Variants in GBF1 observed in about 807,000 individuals in gnomAD.
GBF1 encodes Golgi-specific brefeldin A-resistance guanine nucleotide exchange factor 1.
In GBF1, 114 loss-of-function variants were observed where a neutral mutation model predicts 210.5. The ratio of observed to expected loss-of-function variants is 0.54; its 90% CI spans 0.47 to 0.63. GBF1 has a LOEUF of 0.63. Ranked by LOEUF, GBF1 falls within the 30% of genes least tolerant of loss-of-function variation. The pLI, the probability that GBF1 is intolerant of heterozygous loss-of-function variation, is 0.00. For synonymous variants in GBF1, 850 were observed against 889.2 expected (o/e 0.96, Z 0.78); for missense variants, 1,851 against 2,357.7 (o/e 0.79, Z 4.45).
upstream of GBF1, among the ~76,000 whole-genome samples, chr10:102,240,951 C>T (rs2133818139): frequency 6.6e-6 from 1 of 152,326 alleles, no homozygotes; most frequent in African/African-American, 2.4e-5. Flanking sequence ...GGGGCCGCCC[C>T]GCCAGCTCCC....
At chr10:102,269,979 C>T (rs554653882) in intron 3 of GBF1, among the ~76,000 whole-genome samples, 2 of 151,734 alleles carry the variant, frequency 1.3e-5, no homozygotes, top group Admixed American at 1.3e-4. Flanking sequence ...TCCGGGTTCA[C>T]GCCATTCTCC....
intron 3 of GBF1, among the ~76,000 whole-genome samples, chr10:102,323,033 A>G (rs2056560430): frequency 6.6e-6 from 1 of 152,076 alleles, no homozygotes. Context: ...TTGTATCACA[A>G]TTTTGTGGGT....
At position 102,368,437 on chromosome 10, in the gene GBF1, A is replaced by G; in HGVS notation, c.2862A>G (p.Lys954=). 1 of 1,605,774 alleles carries G rather than the reference A, an allele frequency of 6.2e-7. No individual in the cohort carries two copies. Among genetic ancestry groups the G allele is most frequent in the Non-Finnish European group, 8.5e-7 (1 of 1,172,514 alleles). ...DKSLEETIIQ[K]AISGFRKCAM... ...GCCTTGAGGAGACAATCATCCAGAA[A>G]GCCATCTCAGGCTTCAGGTAGCCCA... The change falls in exon 22 of 40, where the codon AAA becomes AAG. Residue 954 remains lysine (K), a synonymous_variant. Transcript: ENST00000369983.
chr10:102,314,421 A>G (rs1292468198), intron 3 of GBF1, among the ~76,000 whole-genome samples: 1 of 152,134 alleles, frequency 6.6e-6, no homozygotes, highest in African/African-American at 2.4e-5. Flanking sequence ...TGCTGGGATT[A>G]CAGGTATGAG....
intron 3 of GBF1, among the ~76,000 whole-genome samples, chr10:102,342,443 G>GT (rs530481764): frequency 2.1e-4 from 32 of 151,866 alleles, no homozygotes; most frequent in Non-Finnish European, 3.7e-4. Context: ...TCTTCTCTAG[G>GT]TTTTTTCTGT....
At chr10:102,307,811 C>A (rs1481042636) in intron 3 of GBF1, among the ~76,000 whole-genome samples, 1 of 151,620 alleles carries the variant, frequency 6.6e-6, no homozygotes, top group Non-Finnish European at 1.5e-5. Context: ...ACAAAAAAAA[C>A]AAAAAATCAG....
the GBF1 span, chr10:102,231,661 C>G: frequency 6.2e-7 from 1 of 1,612,678 alleles, no homozygotes; most frequent in Non-Finnish European, 8.5e-7. Context: ...GTAGCGGTTC[C>G]TCTGGAAGGT....
intron 3 of GBF1, among the ~76,000 whole-genome samples, chr10:102,318,217 G>A (rs574618441): frequency 1.3e-5 from 2 of 150,612 alleles, no homozygotes; most frequent in Non-Finnish European, 3.0e-5. Context: ...TTTTAAGATA[G>A]TGTCTCACTT....
At chr10:102,361,189 C>A in intron 13 of GBF1, 69 bp downstream of exon 13, 1 of 836,556 alleles carries the variant, frequency 1.2e-6, no homozygotes, top group Non-Finnish European at 2.1e-6. Flanking sequence ...TTCAGTGGGG[C>A]CAGCTCTATC....
At chr10:102,273,732 A>G (rs1000928188) in intron 3 of GBF1, among the ~76,000 whole-genome samples, 4 of 152,220 alleles carry the variant, frequency 2.6e-5, no homozygotes, top group African/African-American at 9.6e-5. Context: ...AGACAGTTCT[A>G]TTTAGATGGT....
the GBF1 span, chr10:102,231,479 G>T: frequency 1.4e-6 from 1 of 730,034 alleles, no homozygotes; most frequent in African/African-American, 1.8e-5. Flanking sequence ...AGGGTCCGGG[G>T]TCCGGGGTCC....
rs562489130 is a variant in GBF1 at position 102,299,817 on chromosome 10, G to T, written c.163+39701G>T. Among the ~76,000 whole-genome samples, 74 of 152,108 alleles carry T rather than the reference G, an allele frequency of 4.9e-4. 1 individual carries two copies. The highest frequency in any genetic ancestry group is 1.8e-3 in the African/African-American group (73 of 41,514). On this transcript the variant is annotated intron_variant, in intron 3 of 39. Coordinates refer to ENST00000369983, the MANE Select transcript of GBF1 (RefSeq NM_001377137.1). ...TTAAAAAATAAATGTAAAAAATGGGGCAGTAACAAAACCTACACATACCTG... is the reference window on the plus strand; with the variant it reads ...TTAAAAAATAAATGTAAAAAATGGGTCAGTAACAAAACCTACACATACCTG...
chr10:102,353,680 T>C (rs773777578), intron 8 of GBF1, 26 bp downstream of exon 8: 1 of 1,567,470 alleles, frequency 6.4e-7, no homozygotes, highest in Non-Finnish European at 8.8e-7. Flanking sequence ...TGATCTGCTG[T>C]CCCTCATCCA....
rs140515044 is a variant in GBF1, at chr10:102,351,281, G to C, written c.321G>C (p.Glu107Asp). 4 of 1,605,108 alleles carry C rather than the reference G, an allele frequency of 2.5e-6. No homozygotes were observed. Among genetic ancestry groups the C allele is most frequent in the Non-Finnish European group, 3.4e-6 (4 of 1,171,716 alleles). The change falls in exon 5 of 40, where the codon GAG becomes GAC. Residue 107 changes from glutamate to aspartate, a missense_variant. By Grantham distance (45) the Glu-to-Asp change is conservative (BLOSUM62 2). Transcript: ENST00000369983. ...ATCCCACCCATGAGGGCACAGCAGA[G>C]GGCATGGAGAACATGGCAGATGCTG... ...LIDPTHEGTA[E>D]GMENMADAVT...
intron 3 of GBF1, among the ~76,000 whole-genome samples, chr10:102,273,174 C>G (rs1423015604): frequency 6.6e-6 from 1 of 152,078 alleles, no homozygotes; most frequent in Non-Finnish European, 1.5e-5. Context: ...AACCTTGTCT[C>G]TACTAAAAAT....
chr10:102,358,233 C>T (rs2059400749), intron 9 of GBF1, 47 bp downstream of exon 9: 1 of 1,537,276 alleles, frequency 6.5e-7, no homozygotes, highest in Admixed American at 1.8e-5. Flanking sequence ...AGAAGAGCTC[C>T]TTTCTCTCTT....
intron 3 of GBF1, among the ~76,000 whole-genome samples, chr10:102,269,789 T>A (rs2074215972): frequency 6.6e-6 from 1 of 152,120 alleles, no homozygotes; most frequent in Non-Finnish European, 1.5e-5. Context: ...GTATTACAAC[T>A]GCCCTGGGCT....
At chr10:102,250,557 T>C (rs1174109521) in intron 1 of GBF1, among the ~76,000 whole-genome samples, 3 of 150,756 alleles carry the variant, frequency 2.0e-5, no homozygotes, top group South Asian at 4.2e-4. Flanking sequence ...TTATGTTGCC[T>C]AGGCTGGTCT....
intron 3 of GBF1, among the ~76,000 whole-genome samples, chr10:102,277,105 T>C (rs1281185494): frequency 6.6e-6 from 1 of 152,082 alleles, no homozygotes; most frequent in East Asian, 1.9e-4. Flanking sequence ...GATGAGAGGA[T>C]CACTTGAGCT....
Sources: gnomAD v4.1 joint callset for allele counts (sites outside exome capture counted in the v4.1 genomes callset) on GRCh38, gnomAD v4.1.1 for gene constraint, MANE v1.5 for transcripts, NCBI Gene and HGNC (gene_info 2026-07-23, HGNC 2026-07-21) for gene names.